Variants in FBXL17 observed in about 807,000 individuals in gnomAD.
The protein encoded by FBXL17 is F-box and leucine rich repeat protein 17, also known as F-box/LRR-repeat protein 17.
In FBXL17, 22 loss-of-function variants were observed where a neutral mutation model predicts 66.2. That is an observed-to-expected ratio of 0.33 (90% CI 0.24 to 0.47). The LOEUF is 0.47. Ranked by LOEUF, FBXL17 falls within the 20% of genes least tolerant of loss-of-function variation. The pLI is 1.00. For synonymous variants in FBXL17, 474 were observed against 400.5 expected (o/e 1.18, Z -2.19); for missense variants, 878 against 948.2 (o/e 0.93, Z 0.97).
rs76019074 is a variant in FBXL17, at chr5:107,868,979, G to A, written c.1966-7119C>T. Among the ~76,000 whole-genome samples, 1,184 of 152,320 alleles carry A rather than the reference G, an allele frequency of 7.8e-3. 18 individuals carry two copies. The highest frequency in any genetic ancestry group is 0.025 in the African/African-American group (1,044 of 41,568). ...AAGTGTATACCTGCAGTAAGTTCTT[G>A]TGTGAAATAGCTCTGCTTTGAGAAA... On this transcript the variant is annotated intron_variant, in intron 8 of 8. Coordinates refer to ENST00000542267, the MANE Select transcript of FBXL17 (RefSeq NM_001163315.3).
At chr5:107,895,404 C>T (rs1301239871) in intron 7 of FBXL17, among the ~76,000 whole-genome samples, 1 of 152,018 alleles carries the variant, frequency 6.6e-6, no homozygotes, top group Non-Finnish European at 1.5e-5. Flanking sequence ...GATTTCTTAC[C>T]CTTCTTATGT....
chr5:108,046,176 G>A (rs1226478170), intron 6 of FBXL17, among the ~76,000 whole-genome samples: 1 of 152,022 alleles, frequency 6.6e-6, no homozygotes, highest in Non-Finnish European at 1.5e-5. Flanking sequence ...ATGTCTAATG[G>A]GTGGATTGAT....
intron 7 of FBXL17, among the ~76,000 whole-genome samples, chr5:107,992,624 G>A (rs1312466780): frequency 2.0e-5 from 3 of 152,052 alleles, no homozygotes; most frequent in East Asian, 3.9e-4. Context: ...GTGCTTTGGG[G>A]TACACATTTT....
At chr5:107,957,340 C>G (rs2112619300) in intron 7 of FBXL17, among the ~76,000 whole-genome samples, 1 of 152,030 alleles carries the variant, frequency 6.6e-6, no homozygotes, top group Non-Finnish European at 1.5e-5. Context: ...TGCTAATAAA[C>G]AGTTCTAACA....
rs1554080847 is a variant in FBXL17 at position 107,871,069 on chromosome 5, A to AAAAAAAACAAAAC, written c.1966-9210_1966-9209insGTTTTGTTTTTTT. On this transcript the variant is annotated intron_variant, in intron 8 of 8. Transcript: ENST00000542267. Reference sequence around the variant, plus strand: ...TACTCTTGGGCGGCAAAAAAAAAAAAAAAAAAAAAACCTCATCTAAAAATC... The same window carrying AAAAAAAACAAAAC: ...TACTCTTGGGCGGCAAAAAAAAAAAAAAAAAAACAAAACAAAAAAAAAACCTCATCTAAAAATC... 3.1e-5 allele frequency among the ~76,000 whole-genome samples: 4 copies of AAAAAAAACAAAAC among 130,174 alleles called. 1 individual carries two copies. Among genetic ancestry groups the AAAAAAAACAAAAC allele is most frequent in the African/African-American group, 1.3e-4 (4 of 31,082 alleles). 85.4% of individuals were successfully genotyped at this position (130,174 alleles called of 152,430 possible). A position where few individuals can be genotyped will look rare whatever the true frequency, so the allele number is the denominator to read the frequency against.
Position 107,881,189 on chromosome 5 carries a change from G to C in FBXL17, c.1823-10C>G, listed in dbSNP as rs776348067. The C allele has an allele frequency of 7.1e-6, 11 of 1,546,216 alleles. No individual in the cohort carries two copies. In the South Asian group the frequency reaches 1.1e-4, roughly 15 times the overall value. On this transcript the variant is annotated splice_polypyrimidine_tract_variant and intron_variant, in intron 7 of 8. Coordinates refer to ENST00000542267, the MANE Select transcript of FBXL17 (RefSeq NM_001163315.3). ...CCAATGGCTATCAGTGCTGCAAGAA[G>C]GGACGCAGAGAAAGCATTAATGTTA...
chr5:107,865,501 A>G (rs1748246626), intron 8 of FBXL17, among the ~76,000 whole-genome samples: 1 of 152,234 alleles, frequency 6.6e-6, no homozygotes, highest in South Asian at 2.1e-4. Context: ...AAAGTAAAAT[A>G]CATCTGTAGT....
chr5:108,353,963 T>C (rs1317194615), intron 3 of FBXL17, among the ~76,000 whole-genome samples: 3 of 152,238 alleles, frequency 2.0e-5, no homozygotes, highest in Admixed American at 6.5e-5. Context: ...AGCGTTTTAA[T>C]TGTTGGATTT....
chr5:108,299,031 C>G, intron 4 of FBXL17: 2 of 977,698 alleles, frequency 2.0e-6, no homozygotes, highest in Non-Finnish European at 2.4e-6. Context: ...ATATGGATAC[C>G]TCATTTTAAC....
At chr5:108,236,753 C>T (rs1755621470) in intron 4 of FBXL17, among the ~76,000 whole-genome samples, 1 of 152,136 alleles carries the variant, frequency 6.6e-6, no homozygotes, top group Non-Finnish European at 1.5e-5. Context: ...GGGAGAAATA[C>T]CAATCGTTGA....
At chr5:108,023,387 AG>A (rs1754671152) in intron 6 of FBXL17, among the ~76,000 whole-genome samples, 1 of 152,186 alleles carries the variant, frequency 6.6e-6, no homozygotes, top group African/African-American at 2.4e-5. Context: ...TGGTTGAAAT[AG>A]GTAGATAAAG....
At chr5:108,110,712 C>T (rs1192977110) in intron 6 of FBXL17, among the ~76,000 whole-genome samples, 1 of 151,890 alleles carries the variant, frequency 6.6e-6, no homozygotes, top group Non-Finnish European at 1.5e-5. Context: ...GCCAATCCTA[C>T]TGCAGCTTTC....
intron 7 of FBXL17, among the ~76,000 whole-genome samples, chr5:107,975,892 C>T (rs1335942496): frequency 6.9e-6 from 1 of 144,710 alleles, no homozygotes; most frequent in Non-Finnish European, 1.5e-5. Flanking sequence ...CGGGGTCTCA[C>T]TCTGTCACCA....
intron 4 of FBXL17, among the ~76,000 whole-genome samples, chr5:108,274,626 A>C (rs1386660718): frequency 6.6e-6 from 1 of 152,206 alleles, no homozygotes; most frequent in Non-Finnish European, 1.5e-5. Flanking sequence ...CAGGCATAGG[A>C]AATCACAAGG....
At chr5:107,881,401 A>G (rs10069370) in intron 7 of FBXL17, among the ~76,000 whole-genome samples, 130,826 of 152,182 alleles carry the variant, frequency 0.86, 56,369 homozygotes, top group South Asian at 0.92. Context: ...CCTTTCATTG[A>G]ACACAACCTT....
intron 7 of FBXL17, among the ~76,000 whole-genome samples, chr5:107,991,688 C>A (rs1283238534): frequency 6.6e-6 from 1 of 152,186 alleles, no homozygotes; most frequent in East Asian, 1.9e-4. Flanking sequence ...CTCCTATTCC[C>A]CAGAAATAAC....
At chr5:108,363,361 C>A (rs762795476) in intron 3 of FBXL17, among the ~76,000 whole-genome samples, 3 of 151,888 alleles carry the variant, frequency 2.0e-5, no homozygotes, top group South Asian at 4.1e-4. Context: ...CCAGCTATAG[C>A]GGTCTTAAGT....
intron 7 of FBXL17, among the ~76,000 whole-genome samples, chr5:107,910,959 C>G (rs1322478462): frequency 6.6e-6 from 1 of 152,044 alleles, no homozygotes; most frequent in Non-Finnish European, 1.5e-5. Context: ...ATAAATACGT[C>G]CTTTGTCTTC....
chr5:108,301,266 G>C lies in FBXL17; in HGVS notation c.1506+47133C>G, dbSNP rs1350068662. Among the ~76,000 whole-genome samples, 3 of 151,720 alleles carry C rather than the reference G, an allele frequency of 2.0e-5. 1 individual carries two copies. Among genetic ancestry groups the C allele is most frequent in the Middle Eastern group, 6.8e-3 (2 of 294 alleles). ...ACATATGTATATAGATGAATTAAGT[G>C]ATAAAAACCTAAGATGAATTCAAGA... On this transcript the variant is annotated intron_variant, in intron 4 of 8. Coordinates refer to ENST00000542267, the MANE Select transcript of FBXL17 (RefSeq NM_001163315.3).
Sources: gnomAD v4.1 joint callset for allele counts (sites outside exome capture counted in the v4.1 genomes callset) on GRCh38, gnomAD v4.1.1 for gene constraint, MANE v1.5 for transcripts, NCBI Gene and HGNC (gene_info 2026-07-23, HGNC 2026-07-21) for gene names.